Variants in TDRD6 observed in about 807,000 individuals in gnomAD.
TDRD6 encodes tudor domain-containing protein 6.
In TDRD6, 186 loss-of-function variants were observed where a neutral mutation model predicts 157.5. The ratio of observed to expected loss-of-function variants is 1.18; its 90% CI spans 1.05 to 1.33. The LOEUF (loss-of-function observed/expected upper bound fraction) is 1.33. Ranked by LOEUF, TDRD6 falls within the 40% of genes most tolerant of loss-of-function variation. The pLI is 0.00. For synonymous variants in TDRD6, 1,075 were observed against 945.2 expected (o/e 1.14, Z -2.52); for missense variants, 3,066 against 2,508.0 (o/e 1.22, Z -4.75).
At chr6:46,695,991 A>G (rs1247942573) in intron 2 of TDRD6, 46 bp downstream of exon 2, 8 of 1,584,538 alleles carry the variant, frequency 5.0e-6, no homozygotes, top group South Asian at 1.2e-5. Context: ...TTTGCAGACT[A>G]TTAAGGAAAG....
rs769857314 is a variant in TDRD6, at chr6:46,688,743, C to G, written c.615C>G (p.Phe205Leu). The stretch of plus-strand genomic sequence containing the variant: ...CTCGGCGGGTGCCCGACAGCCTCTT[C>G]CGTTCGCTGCTGGAGCGCTATCTCA... ...GLARRVPDSL[F>L]RSLLERYLTA... The change falls in exon 1 of 4, where the codon TTC becomes TTG. Residue 205 changes from phenylalanine to leucine, a missense_variant. Transcript: ENST00000316081. 1.9e-6 allele frequency: 3 copies of G among 1,601,396 alleles called. No individual in the cohort carries two copies. The highest frequency in any genetic ancestry group is 2.5e-6 in the Non-Finnish European group (3 of 1,179,374).
At position 46,689,055 on chromosome 6, in the gene TDRD6, C is replaced by G; in HGVS notation, c.927C>G (p.Ser309Arg). 1 of 1,613,992 alleles carries G rather than the reference C, an allele frequency of 6.2e-7. No homozygotes were observed. The highest frequency in any genetic ancestry group is 8.5e-7 in the Non-Finnish European group (1 of 1,179,930). Residue 309 changes from serine to arginine, a missense_variant, in exon 1 of 4, where the codon AGC (serine) becomes AGG (arginine). Coordinates refer to ENST00000316081, the MANE Select transcript of TDRD6 (RefSeq NM_001010870.3). Reference protein sequence around the residue: ...TSATWEEREESPDKPGSPCAS... With the variant: ...TSATWEEREERPDKPGSPCAS... ...CCACCTGGGAGGAGAGGGAGGAGAG[C>G]CCAGATAAGCCGGGCTCTCCGTGTG...
chr6:46,698,220 C>A (rs1764543288), intron 3 of TDRD6, 133 bp downstream of exon 3: 2 of 554,918 alleles, frequency 3.6e-6, no homozygotes, highest in Non-Finnish European at 6.3e-6. Flanking sequence ...TTAAAAACAG[C>A]AATAACAAAA....
At chr6:46,695,514 A>T (rs1246401194) in intron 1 of TDRD6, among the ~76,000 whole-genome samples, 4 of 152,142 alleles carry the variant, frequency 2.6e-5, no homozygotes, top group South Asian at 4.1e-4. Flanking sequence ...TTGTAAGTAT[A>T]AAAAACACCA....
rs1444474806 is a variant in TDRD6 at position 46,704,020 on chromosome 6, A to C, written c.*2133A>C. ...GTAGTACCACCAATCCTGTGCTGAA[A>C]CAATGGCTTTTGCTTGTTCTAATTT... On this transcript the variant is annotated 3_prime_UTR_variant, in exon 4 of 4. Transcript: ENST00000316081. The C allele has an allele frequency of 6.3e-6, 1 of 157,484 alleles. No homozygotes were observed. Among genetic ancestry groups the C allele is most frequent in the Non-Finnish European group, 1.4e-5 (1 of 71,412 alleles). The allele number at this position is 157,484 out of a possible 1,614,324, so 9.8% of individuals were successfully genotyped here. A position where few individuals can be genotyped will look rare whatever the true frequency, so the allele number is the denominator to read the frequency against.
rs766420689 is a variant in TDRD6 at position 46,689,075 on chromosome 6, C to T, written c.947C>T (p.Pro316Leu). 76 of 1,613,974 alleles carry T rather than the reference C, an allele frequency of 4.7e-5. No homozygotes were observed. The highest frequency in any genetic ancestry group is 1.3e-4 in the Admixed American group (8 of 60,010). ...GAGAGCCCAGATAAGCCGGGCTCTC[C>T]GTGTGCATCCTGTGGCCTGGATGGA... ...REESPDKPGS[P>L]CASCGLDGHW... The change falls in exon 1 of 4, where the codon CCG becomes CTG. Residue 316 changes from proline to leucine, a missense_variant. Coordinates refer to ENST00000316081, the MANE Select transcript of TDRD6 (RefSeq NM_001010870.3).
intron 3 of TDRD6, among the ~76,000 whole-genome samples, chr6:46,699,227 A>G (rs1764566018): frequency 6.6e-6 from 1 of 152,158 alleles, no homozygotes; most frequent in Admixed American, 6.6e-5. Flanking sequence ...TCACCTAGCC[A>G]GACAGTATTT....
intron 2 of TDRD6, among the ~76,000 whole-genome samples, chr6:46,696,795 TAGA>T (rs1478234015): frequency 6.6e-6 from 1 of 150,392 alleles, no homozygotes; most frequent in Non-Finnish European, 1.5e-5. Flanking sequence ...GTATTTTTAG[TAGA>T]GACGGGGTTT....
At chr6:46,696,551 A>G (rs1024915) in intron 2 of TDRD6, among the ~76,000 whole-genome samples, 12,715 of 47,188 alleles carry the variant, frequency 0.27, 1,621 homozygotes, top group South Asian at 0.4. Flanking sequence ...ATATGTATAT[A>G]TGTGTGTGTG....
rs1764211205 is a variant in TDRD6 at position 46,688,959 on chromosome 6, C to A, written c.831C>A (p.His277Gln). 1.2e-6 allele frequency: 2 copies of A among 1,612,972 alleles called. No homozygotes were observed. The highest frequency in any genetic ancestry group is 1.7e-6 in the Non-Finnish European group (2 of 1,179,380). ...CQLRSVSQEI[H>Q]RLSESMAQVY... ...TCCGCAGCGTCTCGCAGGAGATCCA[C>A]CGCCTCTCCGAGAGCATGGCCCAGG... The change falls in exon 1 of 4, where the codon CAC becomes CAA. Residue 277 changes from histidine (H) to glutamine (Q), a missense_variant. By Grantham distance (24) the His-to-Gln change is conservative. Coordinates refer to ENST00000316081, the MANE Select transcript of TDRD6 (RefSeq NM_001010870.3).
At chr6:46,685,995 C>G (rs939666932), upstream of TDRD6, among the ~76,000 whole-genome samples, 34 of 152,044 alleles carry the variant, frequency 2.2e-4, 1 homozygote, top group Admixed American at 2.2e-3. Context: ...GCTACCTGCT[C>G]CAGATACAGA....
At chr6:46,695,139 G>A (rs1764458360) in intron 1 of TDRD6, among the ~76,000 whole-genome samples, 1 of 152,000 alleles carries the variant, frequency 6.6e-6, no homozygotes, top group African/African-American at 2.4e-5. Flanking sequence ...TTGAACCATT[G>A]TAAAAATAAG....
Position 46,692,681 on chromosome 6 carries a change from A to G in TDRD6, c.4553A>G (p.Lys1518Arg), listed in dbSNP as rs1764370744. ...SVFLNWYNPEKKMIRAYATVI... is the reference protein window; with the variant it reads ...SVFLNWYNPERKMIRAYATVI... ...TTTCTTAACTGGTATAATCCAGAAA[A>G]AAAAATGATAAGAGCTTATGCCACT... Residue 1518 changes from lysine (K) to arginine (R), a missense_variant, in exon 1 of 4, where the codon AAA (lysine) becomes AGA (arginine). Coordinates refer to ENST00000316081, the MANE Select transcript of TDRD6 (RefSeq NM_001010870.3). 1 of 1,613,756 alleles carries G rather than the reference A, an allele frequency of 6.2e-7. No individual in the cohort carries two copies. Among genetic ancestry groups the G allele is most frequent in the African/African-American group, 1.3e-5 (1 of 74,876 alleles).
intron 3 of TDRD6, among the ~76,000 whole-genome samples, chr6:46,698,928 T>A (rs1027629773): frequency 6.6e-6 from 1 of 152,178 alleles, no homozygotes; most frequent in Non-Finnish European, 1.5e-5. Context: ...GTCCTGTCAG[T>A]TTAGTTTTCA....
intron 2 of TDRD6, 74 bp downstream of exon 2, chr6:46,696,019 G>T: frequency 1.3e-6 from 2 of 1,515,112 alleles, no homozygotes; most frequent in South Asian, 2.5e-5. Flanking sequence ...GACTCTGTCA[G>T]ACTAGAGAAC....
intron 2 of TDRD6, among the ~76,000 whole-genome samples, chr6:46,696,448 GTA>G (rs893865136): frequency 1.6e-4 from 15 of 96,322 alleles, no homozygotes; most frequent in African/African-American, 2.4e-4. Flanking sequence ...GAGTTACTTG[GTA>G]TATATATATA....
In TDRD6 at chr6:46,690,419, G is replaced by A. The variant is rs748097829; in HGVS notation, c.2291G>A (p.Ser764Asn). 2 of 1,614,026 alleles carry A rather than the reference G, an allele frequency of 1.2e-6. No individual in the cohort carries two copies. Among genetic ancestry groups the A allele is most frequent in the East Asian group, 2.2e-5 (1 of 44,882 alleles). ...NCLEIKPGSSSKGELEVGSTV... is the reference protein window; with the variant it reads ...NCLEIKPGSSNKGELEVGSTV... Reference sequence around the variant, plus strand: ...TTGGAAATTAAGCCAGGCTCCTCTAGTAAAGGAGAGCTGGAAGTTGGAAGT... The same window carrying A: ...TTGGAAATTAAGCCAGGCTCCTCTAATAAAGGAGAGCTGGAAGTTGGAAGT... Residue 764 changes from serine to asparagine, a missense_variant, in exon 1 of 4, where the codon AGT becomes AAT. By Grantham distance (46) the Ser-to-Asn change is conservative (BLOSUM62 1). Coordinates refer to ENST00000316081, the MANE Select transcript of TDRD6 (RefSeq NM_001010870.3).
Position 46,688,885 on chromosome 6 carries a change from G to A in TDRD6, c.757G>A (p.Ala253Thr). ...CCAGCTGCAGCTGGGCGTGACGGAGGCCGTGGTCATAACCCAAGTGTGCCA... is the reference window on the plus strand; with the variant it reads ...CCAGCTGCAGCTGGGCGTGACGGAGACCGTGGTCATAACCCAAGTGTGCCA... ...YPQLQLGVTE[A>T]VVITQVCHPH... is the part of the protein sequence containing the mutation. The change falls in exon 1 of 4, where the codon GCC (alanine) becomes ACC (threonine). Residue 253 changes from alanine (A) to threonine (T), a missense_variant. Coordinates refer to ENST00000316081, the MANE Select transcript of TDRD6 (RefSeq NM_001010870.3). The A allele has an allele frequency of 6.2e-7, 1 of 1,606,288 alleles. No homozygotes were observed. Among genetic ancestry groups the A allele is most frequent in the Non-Finnish European group, 8.5e-7 (1 of 1,174,760 alleles).
In TDRD6 at chr6:46,689,423, A is replaced by G. The variant is rs1415882973; in HGVS notation, c.1295A>G (p.Asn432Ser). The G allele has an allele frequency of 6.2e-7, 1 of 1,613,338 alleles. No homozygotes were observed. Among genetic ancestry groups the G allele is most frequent in the East Asian group, 2.2e-5 (1 of 44,872 alleles). ...SLYGEDGINLNRVFGVQSCCL... is the reference protein window; with the variant it reads ...SLYGEDGINLSRVFGVQSCCL... ...TATGGAGAAGATGGGATTAATCTGA[A>G]CCGTGTGTTTGGAGTACAGTCGTGT... Residue 432 changes from asparagine (N) to serine (S), a missense_variant, in exon 1 of 4, where the codon AAC (asparagine) becomes AGC (serine). Asn to Ser is a conservative substitution (Grantham distance 46). Coordinates refer to ENST00000316081, the MANE Select transcript of TDRD6 (RefSeq NM_001010870.3).
Sources: gnomAD v4.1 joint callset for allele counts (sites outside exome capture counted in the v4.1 genomes callset) on GRCh38, gnomAD v4.1.1 for gene constraint, MANE v1.5 for transcripts, NCBI Gene and HGNC (gene_info 2026-07-23, HGNC 2026-07-21) for gene names.